Variants in IKZF5 observed in about 807,000 individuals in gnomAD.
IKZF5 encodes the protein zinc finger protein Pegasus.
In IKZF5, 4 loss-of-function variants were observed where a neutral mutation model predicts 30.7. The observed-to-expected ratio is 0.13, with a 90% CI of 0.06 to 0.30. The LOEUF (loss-of-function observed/expected upper bound fraction) is 0.30. Ranked by LOEUF, IKZF5 falls within the 10% of genes least tolerant of loss-of-function variation. IKZF5 has a pLI of 1.00. For synonymous variants in IKZF5, 148 were observed against 179.6 expected, an observed-to-expected ratio of 0.82 and a Z score of 1.41; for missense variants, 348 against 525.5, an observed-to-expected ratio of 0.66 and a Z score of 3.30.
At chr10:123,002,994 T>C (rs1286431228) in intron 2 of IKZF5, among the ~76,000 whole-genome samples, 3 of 151,880 alleles carry the variant, frequency 2.0e-5, no homozygotes, top group Non-Finnish European at 4.4e-5. Context: ...AAAAAATGGA[T>C]GGTTGCATCT....
Position 122,994,034 on chromosome 10 carries a change from C to G in IKZF5, c.1006G>C (p.Ala336Pro), listed in dbSNP as rs768471670. 1 of 1,614,070 alleles carries G rather than the reference C, an allele frequency of 6.2e-7. No individual in the cohort carries two copies. The highest frequency in any genetic ancestry group is 1.7e-5 in the Admixed American group (1 of 60,016). ...PVAGPSSEPS[A>P]HTSTPSIGNS... is the part of the protein sequence containing the mutation. ...CCTATGCTGGGAGTGCTCGTGTGGGCACTTGGCTCACTGCTTGGACCTGCC... is the reference window on the plus strand; with the variant it reads ...CCTATGCTGGGAGTGCTCGTGTGGGGACTTGGCTCACTGCTTGGACCTGCC... Residue 336 changes from alanine (A) to proline (P), a missense_variant, in exon 5 of 5, where the codon GCC (alanine) becomes CCC (proline). Transcript: ENST00000368886. This position sits in a 1 kb window ranked among gnomAD's most constrained non-coding sequence, Gnocchi z 5.6.
chr10:122,997,008 A>G (rs1849397809), intron 3 of IKZF5: 2 of 152,360 alleles, frequency 1.3e-5, no homozygotes, highest in Admixed American at 6.5e-5. Flanking sequence ...AATTAAGCCC[A>G]TAAAGGAAAG....
At chr10:123,004,051 A>T in intron 2 of IKZF5, among the ~76,000 whole-genome samples, 1 of 150,088 alleles carries the variant, frequency 6.7e-6, no homozygotes, top group Non-Finnish European at 1.5e-5. Context: ...TTGTTTTGTG[A>T]CTACAGTTGA....
rs1236940004 is a variant in IKZF5, at chr10:122,993,870, A to G, written c.1170T>C (p.Asn390=). The G allele has an allele frequency of 5.6e-6, 9 of 1,613,978 alleles. No individual in the cohort carries two copies. The highest frequency in any genetic ancestry group is 1.7e-5 in the Admixed American group (1 of 59,992). ...TIHMGCHGYE[N]PFQCNICGCK... ...ATCCACATATATTACACTGAAAAGG[A>G]TTTTCATACCCATGACATCCCATAT... The change falls in exon 5 of 5, where the codon AAT becomes AAC. Residue 390 remains asparagine, a synonymous_variant. Coordinates refer to ENST00000368886, the MANE Select transcript of IKZF5 (RefSeq NM_001372123.1).
intron 2 of IKZF5, among the ~76,000 whole-genome samples, chr10:123,001,162 C>T (rs752427875): frequency 9.9e-5 from 15 of 152,084 alleles, no homozygotes; most frequent in South Asian, 2.1e-4. Flanking sequence ...TCCGCCACCA[C>T]GCCCAGTTAA....
chr10:122,998,718 A>T, intron 2 of IKZF5, 47 bp from the exon 3 acceptor site: 1 of 1,078,988 alleles, frequency 9.3e-7, no homozygotes, highest in Admixed American at 2.3e-5. Context: ...CATAGCAAAC[A>T]AATGACAAAA....
intron 3 of IKZF5, chr10:122,998,193 G>C: frequency 9.0e-6 from 2 of 221,014 alleles, no homozygotes; most frequent in Non-Finnish European, 1.8e-5. Context: ...TAGTGAAGCT[G>C]ATATTCCAAT....
In IKZF5 at chr10:122,994,012, A is replaced by G; in HGVS notation, c.1028T>C (p.Ile343Thr). The change falls in exon 5 of 5, where the codon ATA becomes ACA. Residue 343 changes from isoleucine to threonine, a missense_variant. Ile to Thr is a moderately conservative substitution (Grantham distance 89). Coordinates refer to ENST00000368886, the MANE Select transcript of IKZF5 (RefSeq NM_001372123.1). The surrounding 1 kb of genome is among the most constrained non-coding windows in gnomAD (Gnocchi z 5.6). ...EPSAHTSTPS[I>T]GNSQPSTPAP... ...TGGGGTGCTTGGCTGGCTGTTTCCT[A>G]TGCTGGGAGTGCTCGTGTGGGCACT... 1.2e-6 allele frequency: 2 copies of G among 1,614,018 alleles called. No individual in the cohort carries two copies. The highest frequency in any genetic ancestry group is 1.7e-6 in the Non-Finnish European group (2 of 1,180,004).
chr10:122,991,075 A>G lies in IKZF5; in HGVS notation c.*2705T>C, dbSNP rs573944453. 1 of 152,214 alleles carries G rather than the reference A, an allele frequency of 6.6e-6. No individual in the cohort carries two copies. Among genetic ancestry groups the G allele is most frequent in the South Asian group, 2.1e-4 (1 of 4,814 alleles). 9.4% of individuals were successfully genotyped at this position (152,214 alleles called of 1,614,324 possible). A position where few individuals can be genotyped will look rare whatever the true frequency, so the allele number is the denominator to read the frequency against. ...AGCAGGGAATTAAAAAAAAATTAAC[A>G]TTCATTTGATAAATATTTTGTAGAA... On this transcript the variant is annotated 3_prime_UTR_variant, in exon 5 of 5. Coordinates refer to ENST00000368886, the MANE Select transcript of IKZF5 (RefSeq NM_001372123.1).
At position 122,993,896 on chromosome 10, in the gene IKZF5, G is replaced by C; in HGVS notation, c.1144C>G (p.His382Asp). ...YFADNILYTIHMGCHGYENPF... is the reference protein window; with the variant it reads ...YFADNILYTIDMGCHGYENPF... ...TTTTCATACCCATGACATCCCATAT[G>C]AATAGTGTAAAGGATGTTGTCTGCA... Residue 382 changes from histidine (H) to aspartate (D), a missense_variant, in exon 5 of 5, where the codon CAT (histidine) becomes GAT (aspartate). By Grantham distance (81) the His-to-Asp change is moderately conservative (BLOSUM62 -1). Coordinates refer to ENST00000368886, the MANE Select transcript of IKZF5 (RefSeq NM_001372123.1). 1 of 1,613,880 alleles carries C rather than the reference G, an allele frequency of 6.2e-7. No homozygotes were observed. Among genetic ancestry groups the C allele is most frequent in the Non-Finnish European group, 8.5e-7 (1 of 1,179,776 alleles).
intron 3 of IKZF5, 82 bp from the exon 4 acceptor site, chr10:122,996,258 T>A (rs1298744609): frequency 8.3e-7 from 1 of 1,201,626 alleles, no homozygotes; most frequent in East Asian, 2.5e-5. Context: ...GGTTGAAAAA[T>A]CTTATAAATT....
intron 3 of IKZF5, among the ~76,000 whole-genome samples, chr10:122,996,478 C>A (rs1308553901): frequency 6.6e-6 from 1 of 151,246 alleles, no homozygotes; most frequent in Non-Finnish European, 1.5e-5. Flanking sequence ...TAGCTTGAGG[C>A]CAGGAGTTAG....
intron 2 of IKZF5, among the ~76,000 whole-genome samples, chr10:123,001,097 C>T (rs1287719168): frequency 6.6e-6 from 1 of 151,852 alleles, no homozygotes; most frequent in Non-Finnish European, 1.5e-5. Context: ...GCAAGCTCCA[C>T]CTCCCAGGTT....
At chr10:123,008,531 C>T (rs1190992079) in intron 1 of IKZF5, 163 bp downstream of exon 1, 1 of 201,846 alleles carries the variant, frequency 5.0e-6, no homozygotes, top group Non-Finnish European at 1.1e-5. Flanking sequence ...GGTCCCGGGC[C>T]ATCACCTGCC....
chr10:122,999,840 T>C (rs1849518659), intron 2 of IKZF5, among the ~76,000 whole-genome samples: 1 of 152,248 alleles, frequency 6.6e-6, no homozygotes, highest in South Asian at 2.1e-4. Flanking sequence ...AAAAGTTTTC[T>C]AGTAAGAATA....
intron 4 of IKZF5, among the ~76,000 whole-genome samples, chr10:122,995,549 T>C (rs929733673): frequency 6.6e-6 from 1 of 152,190 alleles, no homozygotes; most frequent in East Asian, 1.9e-4. Flanking sequence ...AGAGGGCAGA[T>C]GTAGTTGGGA....
In IKZF5 at chr10:122,994,608, G is replaced by A. The variant is rs1357627242; in HGVS notation, c.432C>T (p.Ser144=). Residue 144 remains serine, a synonymous_variant, in exon 5 of 5, where the codon TCC becomes TCT. Coordinates refer to ENST00000368886, the MANE Select transcript of IKZF5 (RefSeq NM_001372123.1). This position sits in a 1 kb window ranked among gnomAD's most constrained non-coding sequence, Gnocchi z 5.6. ...AGTTACTTCGATCACTGCAGCGGAA[G>A]GAACATAATTCACATTTGTATGGTT... ...GEKPYKCELC[S]FRCSDRSNLS... The A allele has an allele frequency of 1.2e-6, 2 of 1,614,138 alleles. No individual in the cohort carries two copies. The highest frequency in any genetic ancestry group is 3.3e-5 in the Admixed American group (2 of 60,020).
rs535412212 is a variant in IKZF5 at position 122,995,121 on chromosome 10, ATGCATACCCTT to A, written c.317-409_317-399del. Among the ~76,000 whole-genome samples the A allele has an allele frequency of 1.3e-5, 2 of 150,366 alleles. 1 individual carries two copies. Among genetic ancestry groups the A allele is most frequent in the South Asian group, 4.2e-4 (2 of 4,750 alleles). The stretch of plus-strand genomic sequence containing the variant: ...TACATTCATATTCACACACACACAT[ATGCATACCCTT>A]TGCTCACAGAAAAAAAAATACAAAA... On this transcript the variant is annotated intron_variant, in intron 4 of 4. Transcript: ENST00000368886.
chr10:122,995,944 C>T, intron 4 of IKZF5, 50 bp downstream of exon 4: 1 of 1,575,118 alleles, frequency 6.3e-7, no homozygotes. Context: ...CCCCCCTTGG[C>T]CCCTCTCCTG....
Sources: gnomAD v4.1 joint callset for allele counts (sites outside exome capture counted in the v4.1 genomes callset) on GRCh38, gnomAD v4.1.1 for gene constraint, Gnocchi (gnomAD v3.1) non-coding constraint, MANE v1.5 for transcripts, NCBI Gene and HGNC (gene_info 2026-07-23, HGNC 2026-07-21) for gene names.